Variants in BBS9 observed in about 807,000 individuals in gnomAD.
BBS9 encodes Bardet-Biedl syndrome 9.
A neutral mutation model predicts 117.7 loss-of-function variants in BBS9; 89 were observed. The ratio of observed to expected loss-of-function variants is 0.76; its 90% CI spans 0.64 to 0.90. BBS9 has a LOEUF of 0.90. Ranked by LOEUF, BBS9 falls within the 40% of genes least tolerant of loss-of-function variation. BBS9 has a pLI of 0.00. For synonymous variants in BBS9, 379 were observed against 370.9 expected (o/e 1.02, Z -0.25); for missense variants, 982 against 1,042.2 (o/e 0.94, Z 0.80).
chr7:33,191,190 A>C (rs780059200), intron 5 of BBS9, among the ~76,000 whole-genome samples: 25 of 152,180 alleles, frequency 1.6e-4, no homozygotes, highest in South Asian at 4.1e-4. Context: ...TTACATGCTC[A>C]GGGTTTGTTT....
At chr7:33,161,427 A>G (rs1401104888) in intron 4 of BBS9, among the ~76,000 whole-genome samples, 2 of 152,116 alleles carry the variant, frequency 1.3e-5, no homozygotes, top group African/African-American at 4.8e-5. Context: ...AGCTTCATCC[A>G]TGTCCCTGCA....
chr7:33,466,534 G>T (rs1028884505), intron 19 of BBS9, among the ~76,000 whole-genome samples: 1 of 152,120 alleles, frequency 6.6e-6, no homozygotes, highest in Non-Finnish European at 1.5e-5. Context: ...ATATATGTGT[G>T]TGTGTTTACA....
intron 19 of BBS9, among the ~76,000 whole-genome samples, chr7:33,425,138 T>A (rs1833470592): frequency 6.6e-6 from 1 of 152,088 alleles, no homozygotes; most frequent in Admixed American, 6.6e-5. Context: ...TCCTGTGCCA[T>A]TTTGTTATCT....
intron 5 of BBS9, among the ~76,000 whole-genome samples, chr7:33,199,602 G>A (rs1230980062): frequency 6.6e-6 from 1 of 150,948 alleles, no homozygotes; most frequent in African/African-American, 2.4e-5. Flanking sequence ...TTTTTTTAAT[G>A]TTATACTTAC....
chr7:33,233,638 G>T (rs935403353), intron 5 of BBS9, among the ~76,000 whole-genome samples: 1 of 152,082 alleles, frequency 6.6e-6, no homozygotes, highest in African/African-American at 2.4e-5. Flanking sequence ...GTAATCAGCT[G>T]TTCAGCTATC....
At chr7:33,606,157 T>C (rs1864549692), downstream of BBS9, 1 of 152,208 alleles carries the variant, frequency 6.6e-6, no homozygotes, top group Non-Finnish European at 1.5e-5. Flanking sequence ...GATGTATTAC[T>C]TATTATTTGT....
rs1417808182 is a variant in BBS9, at chr7:33,339,621, C to T, written c.1199-1276C>T. 2.6e-5 allele frequency among the ~76,000 whole-genome samples: 4 copies of T among 152,076 alleles called. No homozygotes were observed. In the East Asian group the frequency reaches 7.7e-4, roughly 29 times the overall value. ...TCCTCTCAGGGTCACAGGGTGATCT[C>T]AGCAATTCTAGGTGTTATGTGCAGA... On this transcript the variant is annotated intron_variant, in intron 10 of 22. Coordinates refer to ENST00000242067, the MANE Select transcript of BBS9 (RefSeq NM_198428.3).
chr7:33,393,817 G>A lies in BBS9; in HGVS notation c.2115+5673G>A, dbSNP rs1339311835. ...GCCCTCTCTTGGCCTATTGTGGGTG[G>A]CAGCCTCTTATTATATTTCTAACAG... On this transcript the variant is annotated intron_variant, in intron 19 of 22. Coordinates refer to ENST00000242067, the MANE Select transcript of BBS9 (RefSeq NM_198428.3). Among the ~76,000 whole-genome samples the A allele has an allele frequency of 2.0e-5, 3 of 152,140 alleles. No homozygotes were observed. In the East Asian group the frequency reaches 5.8e-4, roughly 29 times the overall value.
chr7:33,540,250 T>G (rs1852065459), intron 21 of BBS9, among the ~76,000 whole-genome samples: 1 of 152,204 alleles, frequency 6.6e-6, no homozygotes, highest in Admixed American at 6.5e-5. Flanking sequence ...ATAGATTCCC[T>G]ACCTCATCCC....
intron 19 of BBS9, among the ~76,000 whole-genome samples, chr7:33,462,396 G>C (rs1839598326): frequency 2.0e-5 from 3 of 152,086 alleles, no homozygotes; most frequent in African/African-American, 7.2e-5. Flanking sequence ...ATATAGTTGA[G>C]ACGTGGCATT....
intron 19 of BBS9, among the ~76,000 whole-genome samples, chr7:33,425,880 T>C (rs771842441): frequency 1.7e-4 from 26 of 152,226 alleles, no homozygotes; most frequent in Admixed American, 1.4e-3. Context: ...GTGGCAATCA[T>C]GTTAAAAGAG....
chr7:33,386,806 C>T lies in BBS9; in HGVS notation c.1963-1186C>T, dbSNP rs182684970. ...ACCGTGCCCGGCCGCTTTCTTTTAA[C>T]AATATTAATTTAAATGAGATGGGTT... On this transcript the variant is annotated intron_variant, in intron 18 of 22. Coordinates refer to ENST00000242067, the MANE Select transcript of BBS9 (RefSeq NM_198428.3). Among the ~76,000 whole-genome samples, 219 of 151,986 alleles carry T rather than the reference C, an allele frequency of 1.4e-3. 4 individuals are homozygous for T. The East Asian group carries it at 0.033, about 23-fold the overall frequency.
At chr7:33,552,252 A>G (rs990337724) in intron 21 of BBS9, among the ~76,000 whole-genome samples, 1 of 152,196 alleles carries the variant, frequency 6.6e-6, no homozygotes, top group African/African-American at 2.4e-5. Context: ...ATTCATTTCC[A>G]CATCTCTAGA....
At chr7:33,536,014 G>A (rs1357123067) in intron 21 of BBS9, among the ~76,000 whole-genome samples, 2 of 152,004 alleles carry the variant, frequency 1.3e-5, no homozygotes, top group African/African-American at 2.4e-5. Flanking sequence ...TATCTAGGAT[G>A]TGGAACATTT....
intron 20 of BBS9, among the ~76,000 whole-genome samples, chr7:33,521,747 C>CTT (rs568390639): frequency 2.8e-5 from 4 of 143,656 alleles, no homozygotes; most frequent in African/African-American, 1.0e-4. Flanking sequence ...TTTTCTTTTT[C>CTT]TTTTTTTTTT....
chr7:33,587,495 T>G (rs1861109411), intron 21 of BBS9, among the ~76,000 whole-genome samples: 1 of 152,106 alleles, frequency 6.6e-6, no homozygotes, highest in Non-Finnish European at 1.5e-5. Context: ...ATTTCCTCTT[T>G]GTGTTTATAA....
chr7:33,541,280 C>T (rs1423188678), intron 21 of BBS9, among the ~76,000 whole-genome samples: 2 of 152,150 alleles, frequency 1.3e-5, no homozygotes, highest in African/African-American at 4.8e-5. Context: ...AAGAAACAAC[C>T]TTGACTCTCT....
At chr7:33,416,531 T>C (rs1467098964) in intron 19 of BBS9, among the ~76,000 whole-genome samples, 2 of 152,072 alleles carry the variant, frequency 1.3e-5, no homozygotes, top group Non-Finnish European at 2.9e-5. Context: ...GGGGGCTCTA[T>C]TGCATGGAGA....
At chr7:33,284,407 C>T (rs1274532566) in intron 9 of BBS9, among the ~76,000 whole-genome samples, 1 of 152,016 alleles carries the variant, frequency 6.6e-6, no homozygotes, top group Non-Finnish European at 1.5e-5. Flanking sequence ...CATGGACAAC[C>T]TGATTTTTGT....
Sources: gnomAD v4.1 joint callset for allele counts (sites outside exome capture counted in the v4.1 genomes callset) on GRCh38, gnomAD v4.1.1 for gene constraint, MANE v1.5 for transcripts, NCBI Gene and HGNC (gene_info 2026-07-23, HGNC 2026-07-21) for gene names.